SASH1: variants seen among roughly 807,000 people sequenced by gnomAD.
SASH1 encodes SAM and SH3 domain containing 1, also known as SAM and SH3 domain-containing protein 1.
SASH1 carries 44 observed loss-of-function variants against 125.2 expected under a neutral mutation model. That is an observed-to-expected ratio of 0.35 (90% CI 0.28 to 0.45). The LOEUF (loss-of-function observed/expected upper bound fraction) is 0.45, where lower values mean the gene tolerates loss of function less well. Ranked by LOEUF, SASH1 falls within the 20% of genes least tolerant of loss-of-function variation. SASH1 has a pLI of 1.00. For missense variants in SASH1, 1,426 were observed against 1,614.5 expected (o/e 0.88, Z 2.00); for synonymous variants, 639 against 649.1 (o/e 0.98, Z 0.24).
chr6:148,386,075 C>T (rs79775862), intron 1 of SASH1, among the ~76,000 whole-genome samples: 2,715 of 152,154 alleles, frequency 0.018, 29 homozygotes, highest in African/African-American at 0.031. Flanking sequence ...GTCTCTGGTT[C>T]GGTAGTGTCG....
chr6:148,328,671 C>G (rs556031590), intron 1 of SASH1, among the ~76,000 whole-genome samples: 1 of 151,884 alleles, frequency 6.6e-6, no homozygotes, highest in African/African-American at 2.4e-5. Context: ...TTTCTCAGCA[C>G]AGAAGTAAAA....
rs374235658 is a variant in SASH1, at chr6:148,413,253, T to C, written c.285+22991T>C. Among the ~76,000 whole-genome samples, 74 of 152,310 alleles carry C rather than the reference T, an allele frequency of 4.9e-4. No individual in the cohort carries two copies. In the South Asian group the frequency reaches 0.015, roughly 31 times the overall value. On this transcript the variant is annotated intron_variant, in intron 2 of 19. Coordinates refer to ENST00000367467, the MANE Select transcript of SASH1 (RefSeq NM_015278.5). ...ATAGGAAAACTTTTGATTGGGAGAA[T>C]GACCCAAGGATTATGCTCTTGGGAG...
upstream of SASH1, among the ~76,000 whole-genome samples, chr6:148,338,053 A>ACCC (rs1338417910): frequency 6.7e-4 from 73 of 108,976 alleles, no homozygotes; most frequent in African/African-American, 1.5e-3. Flanking sequence ...TCTTCAATGG[A>ACCC]ATATCTACAC....
In SASH1 at chr6:148,470,229, G is replaced by A. The variant is rs140528907; in HGVS notation, c.428-1188G>A. The stretch of plus-strand genomic sequence containing the variant: ...AGCTCTGTCTTTGGCGGAAAGGCTC[G>A]GGTTTCATTCCCACAGCTCTGGGGG... On this transcript the variant is annotated intron_variant, in intron 5 of 19. Transcript: ENST00000367467. Among the ~76,000 whole-genome samples, 218 of 152,272 alleles carry A rather than the reference G, an allele frequency of 1.4e-3. 1 individual carries two copies. The highest frequency in any genetic ancestry group is 2.7e-3 in the Admixed American group (42 of 15,294).
chr6:148,364,644 G>T (rs1224258547), intron 1 of SASH1, among the ~76,000 whole-genome samples: 1 of 152,052 alleles, frequency 6.6e-6, no homozygotes, highest in African/African-American at 2.4e-5. Context: ...CAAAAGGAAG[G>T]TTTCTGTAGA....
chr6:148,534,011 A>G (rs1011637808), intron 15 of SASH1, 31 bp downstream of exon 15: 9 of 1,596,204 alleles, frequency 5.6e-6, no homozygotes, highest in Non-Finnish European at 7.7e-6. Context: ...GTCACACGCT[A>G]CTACCTCACT....
At chr6:148,469,710 A>G (rs1302436464) in intron 5 of SASH1, among the ~76,000 whole-genome samples, 3 of 151,482 alleles carry the variant, frequency 2.0e-5, no homozygotes, top group African/African-American at 4.9e-5. Context: ...TCCAGCTTGG[A>G]CAAAGAGACC....
chr6:148,548,860 C>T lies in SASH1; in HGVS notation c.*302C>T, dbSNP rs1480884703. 4.8e-5 allele frequency: 14 copies of T among 293,656 alleles called. No homozygotes were observed. Among genetic ancestry groups the T allele is most frequent in the African/African-American group, 2.6e-4 (12 of 46,466 alleles). The allele number at this position is 293,656 out of a possible 1,614,324, so 18.2% of individuals were successfully genotyped here. ...TGGCTGCGAATGCTCTATCTCCAGT[C>T]TGTCTCTGTGTACTGGTAGAGGCTG... On this transcript the variant is annotated 3_prime_UTR_variant, in exon 20 of 20. Coordinates refer to ENST00000367467, the MANE Select transcript of SASH1 (RefSeq NM_015278.5).
Position 148,343,132 on chromosome 6 carries a change from AGCCCGC to A in SASH1, c.69_74del (p.Ala24_Pro25del). 1 of 1,596,358 alleles carries A rather than the reference AGCCCGC, an allele frequency of 6.3e-7. No individual in the cohort carries two copies. The highest frequency in any genetic ancestry group is 8.5e-7 in the Non-Finnish European group (1 of 1,177,984). On this transcript the variant is annotated inframe_deletion, in exon 1 of 20. Coordinates refer to ENST00000367467, the MANE Select transcript of SASH1 (RefSeq NM_015278.5). ...GAGCCCGAGCCCGAGCCGGAGCCCG[AGCCCGC>A]GCCGGAGCCGGAACCGGAGCCCAAG...
intron 1 of SASH1, among the ~76,000 whole-genome samples, chr6:148,322,428 A>G (rs1016484721): frequency 1.3e-5 from 2 of 152,188 alleles, no homozygotes; most frequent in Non-Finnish European, 2.9e-5. Flanking sequence ...TTTCGGCTTA[A>G]TTTATAAATT....
chr6:148,516,113 T>G (rs1313687870), intron 9 of SASH1, among the ~76,000 whole-genome samples: 1 of 152,246 alleles, frequency 6.6e-6, no homozygotes, highest in Non-Finnish European at 1.5e-5. Context: ...AAGGGATAAC[T>G]CTAACGTAAA....
At chr6:148,273,664 T>G (rs937139075) in intron 1 of SASH1, among the ~76,000 whole-genome samples, 2 of 152,116 alleles carry the variant, frequency 1.3e-5, no homozygotes, top group Non-Finnish European at 2.9e-5. Context: ...ACAGAGGTCA[T>G]GAGGTAGAGT....
intron 4 of SASH1, among the ~76,000 whole-genome samples, chr6:148,455,944 C>T (rs1039863077): frequency 6.6e-6 from 1 of 152,072 alleles, no homozygotes; most frequent in Non-Finnish European, 1.5e-5. Flanking sequence ...CCTGGACTCC[C>T]CTGCTGCCCC....
intron 4 of SASH1, among the ~76,000 whole-genome samples, chr6:148,442,952 T>C (rs1033252195): frequency 6.6e-6 from 1 of 151,800 alleles, no homozygotes; most frequent in African/African-American, 2.4e-5. Flanking sequence ...ATTTTTTGTA[T>C]TTTAGTAGGG....
At chr6:148,361,337 C>T (rs919820979) in intron 1 of SASH1, among the ~76,000 whole-genome samples, 8 of 152,284 alleles carry the variant, frequency 5.3e-5, no homozygotes, top group Middle Eastern at 6.8e-3. Flanking sequence ...GTGGCTCATG[C>T]CTGTAATCCC....
chr6:148,379,936 A>C, intron 1 of SASH1: 1 of 456,558 alleles, frequency 2.2e-6, no homozygotes, highest in South Asian at 1.5e-5. Context: ...ATTTTAAAGC[A>C]AGTCCTGGAT....
chr6:148,356,573 G>A (rs1019252825), intron 1 of SASH1, among the ~76,000 whole-genome samples: 32 of 143,162 alleles, frequency 2.2e-4, no homozygotes, highest in African/African-American at 7.4e-4. Context: ...GGGTTCAAGC[G>A]ATTCTCCTGC....
intron 4 of SASH1, among the ~76,000 whole-genome samples, chr6:148,449,084 T>C (rs7746326): frequency 4.7e-4 from 20 of 42,698 alleles, no homozygotes; most frequent in Admixed American, 5.7e-4. Flanking sequence ...ATTTCTTTTT[T>C]TTTTTTTTTG....
intron 2 of SASH1, among the ~76,000 whole-genome samples, chr6:148,427,941 G>C (rs1168212405): frequency 6.6e-6 from 1 of 152,224 alleles, no homozygotes; most frequent in Non-Finnish European, 1.5e-5. Context: ...TCCAGAGCAA[G>C]GTGACTTCTT....
Sources: allele counts gnomAD v4.1 joint callset (sites outside exome capture counted in the v4.1 genomes callset), GRCh38; gene constraint gnomAD v4.1.1; transcripts MANE v1.5; gene names NCBI Gene and HGNC (gene_info 2026-07-23, HGNC 2026-07-21).